Variants in RIMS2 observed in about 807,000 individuals in gnomAD.
RIMS2 encodes regulating synaptic membrane exocytosis protein 2.
Under a neutral mutation model 174.4 loss-of-function variants are expected in RIMS2, and 59 were observed. That is an observed-to-expected ratio of 0.34 (90% CI 0.27 to 0.42). RIMS2 has a LOEUF of 0.42. Ranked by LOEUF, RIMS2 falls within the 10% of genes least tolerant of loss-of-function variation. RIMS2 has a pLI of 1.00. For missense variants in RIMS2, 1,620 were observed against 1,666.3 expected (o/e 0.97, Z 0.48); for synonymous variants, 606 against 572.5 (o/e 1.06, Z -0.84).
In RIMS2 at chr8:103,554,190, T is replaced by C. The variant is rs368496832; in HGVS notation, c.176+53128T>C. Among the ~76,000 whole-genome samples, 10 of 152,148 alleles carry C rather than the reference T, an allele frequency of 6.6e-5. No individual in the cohort carries two copies. In the East Asian group the frequency reaches 1.7e-3, roughly 26 times the overall value. On this transcript the variant is annotated intron_variant, in intron 1 of 23. Transcript: ENST00000504942. ...AAAGGAATTGCAAAAAAAATGCACC[T>C]TGACAAATGGAATCTAAAGTACTTC...
At chr8:103,790,192 C>T (rs1252268614) in intron 3 of RIMS2, among the ~76,000 whole-genome samples, 3 of 152,204 alleles carry the variant, frequency 2.0e-5, no homozygotes, top group East Asian at 1.9e-4. Context: ...CCAACTATTA[C>T]GACTATCTAA....
At chr8:103,531,562 T>G (rs915159872) in intron 1 of RIMS2, among the ~76,000 whole-genome samples, 5 of 152,164 alleles carry the variant, frequency 3.3e-5, no homozygotes, top group African/African-American at 1.2e-4. Flanking sequence ...TACATTACAG[T>G]GCATATCTGA....
intron 18 of RIMS2, 31 bp downstream of exon 20, chr8:104,013,652 C>G (rs762023097): frequency 6.3e-7 from 1 of 1,587,198 alleles, no homozygotes; most frequent in Non-Finnish European, 8.6e-7. Flanking sequence ...ACTAATTTCC[C>G]CTTTGCCCCA....
intron 15 of RIMS2, among the ~76,000 whole-genome samples, chr8:103,971,685 C>T (rs530276508): frequency 6.6e-6 from 1 of 152,116 alleles, no homozygotes; most frequent in East Asian, 1.9e-4. Context: ...AATGCGTCTG[C>T]CTCAGCCTCC....
chr8:104,034,441 C>CAAGTGATTT (rs557570151), intron 19 of RIMS2, among the ~76,000 whole-genome samples: 199 of 144,214 alleles, frequency 1.4e-3, no homozygotes, highest in African/African-American at 4.8e-3. Context: ...ATCAGCAAAA[C>CAAGTGATTT]AAGTGATTTA....
intron 3 of RIMS2, among the ~76,000 whole-genome samples, chr8:103,782,834 G>A (rs919295591): frequency 1.3e-5 from 2 of 151,736 alleles, no homozygotes; most frequent in African/African-American, 2.4e-5. Context: ...TGAGTTTTTG[G>A]TCTTTATTTA....
chr8:103,574,313 ATTC>A lies in RIMS2; in HGVS notation c.176+73257_176+73259del, dbSNP rs2093050885. Among the ~76,000 whole-genome samples, 4 of 152,290 alleles carry A rather than the reference ATTC, an allele frequency of 2.6e-5. No individual in the cohort carries two copies. In the South Asian group the frequency reaches 8.3e-4, roughly 32 times the overall value. On this transcript the variant is annotated intron_variant, in intron 1 of 23. Transcript: ENST00000504942. ...AATTCTGGTATGGAGTGCTTTTGCC[ATTC>A]TTCTTTATAGCAATGAATCTTCAGA... is the stretch of plus-strand genomic sequence containing the variant.
At chr8:103,645,866 A>G (rs1346316824) in intron 1 of RIMS2, among the ~76,000 whole-genome samples, 1 of 152,194 alleles carries the variant, frequency 6.6e-6, no homozygotes, top group Non-Finnish European at 1.5e-5. Context: ...ATACACGTCC[A>G]TGTGAAGAGA....
intron 3 of RIMS2, among the ~76,000 whole-genome samples, chr8:103,794,942 A>C (rs200831868): frequency 1.8e-4 from 28 of 152,234 alleles, no homozygotes; most frequent in Non-Finnish European, 3.5e-4. Flanking sequence ...ACAACGGGTG[A>C]TGGAGAGGAT....
chr8:103,722,435 TG>T (rs1436482075), intron 2 of RIMS2, among the ~76,000 whole-genome samples: 1 of 152,026 alleles, frequency 6.6e-6, no homozygotes, highest in African/African-American at 2.4e-5. Flanking sequence ...TGGTTCCATC[TG>T]GGGTTGATGG....
chr8:103,600,783 A>G (rs2094698838), intron 1 of RIMS2, among the ~76,000 whole-genome samples: 1 of 152,180 alleles, frequency 6.6e-6, no homozygotes, highest in Non-Finnish European at 1.5e-5. Flanking sequence ...ACTGTTCTCC[A>G]TAGTGGTTGT....
intron 3 of RIMS2, among the ~76,000 whole-genome samples, chr8:103,821,629 A>G (rs1426466521): frequency 6.6e-6 from 1 of 151,720 alleles, no homozygotes; most frequent in Non-Finnish European, 1.5e-5. Flanking sequence ...TTATGCTTCC[A>G]CATATTTTAA....
At chr8:104,083,841 A>G (rs577035665) in intron 19 of RIMS2, among the ~76,000 whole-genome samples, 1 of 152,246 alleles carries the variant, frequency 6.6e-6, no homozygotes, top group African/African-American at 2.4e-5. Context: ...AGATGACATG[A>G]GTTTGAGCTA....
At chr8:103,788,343 C>T (rs2098463438) in intron 3 of RIMS2, among the ~76,000 whole-genome samples, 1 of 147,874 alleles carries the variant, frequency 6.8e-6, no homozygotes, top group African/African-American at 2.5e-5. Context: ...GGAGGAGAGG[C>T]ACTCTGCTTT....
intron 19 of RIMS2, among the ~76,000 whole-genome samples, chr8:104,153,080 G>C (rs372148411): frequency 6.6e-6 from 1 of 152,094 alleles, no homozygotes; most frequent in Admixed American, 6.5e-5. Context: ...ATAATAATTG[G>C]CAAAGGAGAA....
At chr8:104,207,017 A>G (rs1187845767) in intron 19 of RIMS2, among the ~76,000 whole-genome samples, 3 of 152,210 alleles carry the variant, frequency 2.0e-5, no homozygotes, top group Non-Finnish European at 4.4e-5. Context: ...AGGGACAGAG[A>G]GATTAAATTT....
intron 1 of RIMS2, among the ~76,000 whole-genome samples, chr8:103,596,503 C>A (rs997864775): frequency 2.6e-5 from 4 of 151,964 alleles, no homozygotes; most frequent in Admixed American, 2.6e-4. Context: ...ATGTAAATAT[C>A]TCAAATATTA....
chr8:103,574,366 G>A (rs1412558948), intron 1 of RIMS2, among the ~76,000 whole-genome samples: 1 of 152,128 alleles, frequency 6.6e-6, no homozygotes, highest in African/African-American at 2.4e-5. Flanking sequence ...ACCAGTCTTT[G>A]TGTAGTTTCC....
chr8:103,857,862 T>C (rs1355499201), intron 3 of RIMS2, among the ~76,000 whole-genome samples: 1 of 152,340 alleles, frequency 6.6e-6, no homozygotes, highest in Non-Finnish European at 1.5e-5. Context: ...CATCTTTTCA[T>C]TGTAGCTTCA....
Sources: gnomAD v4.1 joint callset for allele counts (sites outside exome capture counted in the v4.1 genomes callset) on GRCh38, gnomAD v4.1.1 for gene constraint, MANE v1.5 for transcripts, NCBI Gene and HGNC (gene_info 2026-07-23, HGNC 2026-07-21) for gene names.